AFG2A: variants seen among roughly 807,000 people sequenced by gnomAD.
AFG2A encodes the protein ATPase family gene 2 protein homolog A.
chr4:122,977,017 TTCTTCCACCTC>T, the AFG2A span, among the ~76,000 whole-genome samples: 1 of 152,220 alleles, frequency 6.6e-6, no homozygotes, highest in African/African-American at 2.4e-5. Flanking sequence ...ATTCTTCACA[TTCTTCCACCTC>T]TCTTCCAACC....
the AFG2A span, among the ~76,000 whole-genome samples, chr4:123,267,023 G>T: frequency 4.6e-4 from 70 of 152,062 alleles, no homozygotes; most frequent in Middle Eastern, 0.01. Context: ...CCACATATCT[G>T]TTATTCAGTG....
chr4:123,267,438 T>C, the AFG2A span, among the ~76,000 whole-genome samples: 1 of 152,042 alleles, frequency 6.6e-6, no homozygotes, highest in African/African-American at 2.4e-5. Context: ...CAAAAGAACT[T>C]TAGGTATAGT....
At chr4:122,928,075 A>G in the AFG2A span, among the ~76,000 whole-genome samples, 3 of 152,242 alleles carry the variant, frequency 2.0e-5, no homozygotes, top group Non-Finnish European at 4.4e-5. Flanking sequence ...TAACATGTAT[A>G]TTAACTCTGT....
At chr4:123,250,415 C>T in the AFG2A span, among the ~76,000 whole-genome samples, 1 of 144,734 alleles carries the variant, frequency 6.9e-6, no homozygotes, top group Non-Finnish European at 1.6e-5. Context: ...ATAAGAATGG[C>T]AGGGGGTCCT....
chr4:123,189,572 C>T, the AFG2A span, among the ~76,000 whole-genome samples: 1 of 152,060 alleles, frequency 6.6e-6, no homozygotes, highest in African/African-American at 2.4e-5. Flanking sequence ...TTTCACTTTG[C>T]TCATGAATCT....
At chr4:123,269,368 G>A in the AFG2A span, among the ~76,000 whole-genome samples, 1 of 152,264 alleles carries the variant, frequency 6.6e-6, no homozygotes, top group African/African-American at 2.4e-5. Context: ...TGAACACATG[G>A]CTTCATTCTT....
chr4:123,145,640 C>A, the AFG2A span, among the ~76,000 whole-genome samples: 6 of 151,972 alleles, frequency 3.9e-5, no homozygotes. Context: ...TTAACAGTTT[C>A]CAAACGATAA....
At chr4:123,242,938 G>A in the AFG2A span, among the ~76,000 whole-genome samples, 1 of 152,038 alleles carries the variant, frequency 6.6e-6, no homozygotes, top group Non-Finnish European at 1.5e-5. Context: ...TGGGCAAAAG[G>A]TATGAATAGA....
At chr4:122,940,865 C>T in the AFG2A span, among the ~76,000 whole-genome samples, 1 of 151,130 alleles carries the variant, frequency 6.6e-6, no homozygotes, top group Non-Finnish European at 1.5e-5. Flanking sequence ...AGCCAGTTTT[C>T]CCAGCACCAT....
chr4:123,040,023 A>G, the AFG2A span, among the ~76,000 whole-genome samples: 66,295 of 151,784 alleles, frequency 0.44, 17,201 homozygotes, highest in Non-Finnish European at 0.57. Context: ...TTTTTAAGAC[A>G]CTTCCACCTT....
chr4:123,114,773 T>C, the AFG2A span, among the ~76,000 whole-genome samples: 2 of 152,240 alleles, frequency 1.3e-5, no homozygotes, highest in Admixed American at 6.5e-5. Flanking sequence ...CAGCATTGAC[T>C]GTGCTGCCTT....
the AFG2A span, among the ~76,000 whole-genome samples, chr4:123,027,179 A>G: frequency 6.6e-6 from 1 of 152,142 alleles, no homozygotes; most frequent in Non-Finnish European, 1.5e-5. Flanking sequence ...TTGTCAGAGA[A>G]ATCTTCCAGA....
At chr4:123,071,744 C>T in the AFG2A span, among the ~76,000 whole-genome samples, 1 of 152,170 alleles carries the variant, frequency 6.6e-6, no homozygotes, top group East Asian at 1.9e-4. Context: ...TATAGGATAT[C>T]TTATTAATCT....
At chr4:122,999,302 C>A in the AFG2A span, among the ~76,000 whole-genome samples, 4 of 152,154 alleles carry the variant, frequency 2.6e-5, no homozygotes, top group Non-Finnish European at 5.9e-5. Flanking sequence ...TGCAGAAGTT[C>A]TTTGGTTTAA....
the AFG2A span, among the ~76,000 whole-genome samples, chr4:123,015,634 T>C: frequency 6.6e-6 from 1 of 151,080 alleles, no homozygotes; most frequent in Non-Finnish European, 1.5e-5. Flanking sequence ...TTTCCCCGCC[T>C]TTCTCCCCTT....
chr4:123,192,376 G>A, the AFG2A span, among the ~76,000 whole-genome samples: 12 of 151,980 alleles, frequency 7.9e-5, no homozygotes, highest in African/African-American at 2.7e-4. Context: ...TTATATTTAG[G>A]TCCTTATCTG....
At chr4:123,200,094 T>C in the AFG2A span, among the ~76,000 whole-genome samples, 8 of 152,252 alleles carry the variant, frequency 5.3e-5, no homozygotes, top group African/African-American at 1.9e-4. Context: ...TAATTCATAA[T>C]GTGGAACAAG....
chr4:123,020,282 A>C, the AFG2A span, among the ~76,000 whole-genome samples: 2 of 152,180 alleles, frequency 1.3e-5, no homozygotes, highest in Non-Finnish European at 2.9e-5. Flanking sequence ...TCGTAATACC[A>C]AAAATTATTA....
chr4:123,023,216 G>GA, the AFG2A span, among the ~76,000 whole-genome samples: 3 of 150,752 alleles, frequency 2.0e-5, no homozygotes, highest in Non-Finnish European at 4.4e-5. Flanking sequence ...TAAAAGGAAG[G>GA]AAAAAAAAGG....
Sources: allele counts gnomAD v4.1 joint callset (sites outside exome capture counted in the v4.1 genomes callset), GRCh38; gene constraint gnomAD v4.1.1; transcripts MANE v1.5; gene names NCBI Gene and HGNC (gene_info 2026-07-23, HGNC 2026-07-21).